Variants in CACNB2 observed in about 807,000 individuals in gnomAD.
The protein encoded by CACNB2 is voltage-dependent L-type calcium channel subunit beta-2.
In CACNB2, 42 loss-of-function variants were observed where a neutral mutation model predicts 73.3. The ratio of observed to expected loss-of-function variants is 0.57; its 90% CI spans 0.45 to 0.74. The LOEUF is 0.74. CACNB2 is among the 30% of genes least tolerant of loss of function. The pLI is 0.00. For synonymous variants in CACNB2, 348 were observed against 310.3 expected (o/e 1.12, Z -1.28); for missense variants, 940 against 853.0 (o/e 1.10, Z -1.27).
intron 3 of CACNB2, among the ~76,000 whole-genome samples, chr10:18,456,429 A>T (rs1005306731): frequency 6.6e-6 from 1 of 151,902 alleles, no homozygotes; most frequent in Non-Finnish European, 1.5e-5. Context: ...CACCCACTAC[A>T]CTCCAGCCTG....
chr10:18,244,331 T>G (rs993874330), intron 2 of CACNB2, among the ~76,000 whole-genome samples: 5 of 152,216 alleles, frequency 3.3e-5, no homozygotes, highest in Non-Finnish European at 5.9e-5. Context: ...CATCAAATTC[T>G]ACCTTTAAAA....
At chr10:18,311,613 TA>T (rs1343656887) in intron 2 of CACNB2, among the ~76,000 whole-genome samples, 1 of 152,092 alleles carries the variant, frequency 6.6e-6, no homozygotes, top group African/African-American at 2.4e-5. Flanking sequence ...AAATTATAAG[TA>T]AAAAAATATA....
chr10:18,430,283 C>T (rs2045821852), intron 3 of CACNB2, among the ~76,000 whole-genome samples: 1 of 152,136 alleles, frequency 6.6e-6, no homozygotes, highest in Non-Finnish European at 1.5e-5. Context: ...AACCTCTAGT[C>T]ACACAGCATG....
chr10:18,444,203 C>G (rs1349825044), intron 3 of CACNB2, among the ~76,000 whole-genome samples: 1 of 152,040 alleles, frequency 6.6e-6, no homozygotes, highest in African/African-American at 2.4e-5. Context: ...GGGTGGAGCC[C>G]TCATGAATGG....
At chr10:18,255,032 C>A (rs2037226315) in intron 2 of CACNB2, among the ~76,000 whole-genome samples, 1 of 152,174 alleles carries the variant, frequency 6.6e-6, no homozygotes, top group African/African-American at 2.4e-5. Flanking sequence ...GGTAAAAGTA[C>A]TTCCTAGCTG....
At chr10:18,389,606 A>T (rs142872626) in intron 2 of CACNB2, among the ~76,000 whole-genome samples, 36 of 152,370 alleles carry the variant, frequency 2.4e-4, no homozygotes, top group African/African-American at 7.7e-4. Context: ...TCTACTAAGC[A>T]TGTGAACCAT....
At chr10:18,340,191 T>C (rs2041174361) in intron 2 of CACNB2, among the ~76,000 whole-genome samples, 1 of 152,194 alleles carries the variant, frequency 6.6e-6, no homozygotes, top group South Asian at 2.1e-4. Context: ...ATGTGTGTGT[T>C]GCAAGCATGC....
At chr10:18,482,670 C>G (rs561380072) in intron 3 of CACNB2, among the ~76,000 whole-genome samples, 2 of 152,036 alleles carry the variant, frequency 1.3e-5, no homozygotes, top group Admixed American at 1.3e-4. Flanking sequence ...GCCACCATGC[C>G]CAGCTAATTT....
rs115570782 is a variant in CACNB2, at chr10:18,449,594, G to C, written c.333+47551G>C. Among the ~76,000 whole-genome samples the C allele has an allele frequency of 9.0e-3, 1,364 of 152,280 alleles. 21 individuals carry two copies. Among genetic ancestry groups the C allele is most frequent in the African/African-American group, 0.032 (1,309 of 41,548 alleles). On this transcript the variant is annotated intron_variant, in intron 3 of 13. Coordinates refer to ENST00000324631, the MANE Select transcript of CACNB2 (RefSeq NM_201596.3). ...TTCTGTCCTCACAAGGACCCTATGG[G>C]ATTCCTGCTATTATCTCCATTTTAC...
intron 2 of CACNB2, among the ~76,000 whole-genome samples, chr10:18,377,800 A>G (rs906976822): frequency 1.3e-4 from 20 of 152,234 alleles, no homozygotes; most frequent in African/African-American, 4.6e-4. Flanking sequence ...GGAATGCGCT[A>G]CAGATGCCAC....
rs1360214815 is a variant in CACNB2 at position 18,407,114 on chromosome 10, T to TC, written c.333+5071_333+5072insC. ...GTCCAGACCTGCTGTTCTGTCTTTT[T>TC]TTTTTTTTTTTTTTTTTTTTTTTTT... On this transcript the variant is annotated intron_variant, in intron 3 of 13. Coordinates refer to ENST00000324631, the MANE Select transcript of CACNB2 (RefSeq NM_201596.3). 1.4e-4 allele frequency among the ~76,000 whole-genome samples: 13 copies of TC among 91,964 alleles called. No homozygotes were observed. In the East Asian group the frequency reaches 3.4e-3, roughly 24 times the overall value. 60.3% of individuals were successfully genotyped at this position (91,964 alleles called of 152,430 possible).
intron 2 of CACNB2, among the ~76,000 whole-genome samples, chr10:18,170,620 A>G (rs1470157856): frequency 1.3e-5 from 2 of 152,214 alleles, no homozygotes; most frequent in Non-Finnish European, 2.9e-5. Context: ...ATTAAAAATT[A>G]GAATGTTGGT....
chr10:18,148,678 A>G (rs1406796569), intron 1 of CACNB2, among the ~76,000 whole-genome samples: 2 of 152,158 alleles, frequency 1.3e-5, no homozygotes, highest in African/African-American at 2.4e-5. Context: ...AATTGCGAAG[A>G]TACTCTTTTC....
chr10:18,340,544 T>C, intron 2 of CACNB2: 1 of 325,968 alleles, frequency 3.1e-6, no homozygotes, highest in Non-Finnish European at 5.1e-6. Flanking sequence ...AGGGCTGGAG[T>C]CCTGGCTGCC....
At chr10:18,486,024 A>G (rs2049043898) in intron 3 of CACNB2, among the ~76,000 whole-genome samples, 2 of 151,412 alleles carry the variant, frequency 1.3e-5, no homozygotes, top group East Asian at 3.9e-4. Flanking sequence ...CTTTTATGTT[A>G]TTAGCAATTG....
chr10:18,147,632 T>C (rs987251970), intron 1 of CACNB2, among the ~76,000 whole-genome samples: 3 of 152,226 alleles, frequency 2.0e-5, no homozygotes, highest in Non-Finnish European at 4.4e-5. Flanking sequence ...TCATATATTT[T>C]AATGCTGGTA....
intron 3 of CACNB2, among the ~76,000 whole-genome samples, chr10:18,491,246 A>T (rs577516531): frequency 1.3e-5 from 2 of 152,182 alleles, no homozygotes; most frequent in Non-Finnish European, 2.9e-5. Context: ...TGAACTAGGA[A>T]TGAGCTGAAC....
Position 18,246,317 on chromosome 10 carries a change from T to C in CACNB2, c.213+95342T>C, listed in dbSNP as rs868483515. On this transcript the variant is annotated intron_variant, in intron 2 of 13. Coordinates refer to ENST00000324631, the MANE Select transcript of CACNB2 (RefSeq NM_201596.3). ...CACATAACAAGCACTCTATAAATGT[T>C]TAACTAGTATTATATTAATAATATT... 2.0e-5 allele frequency among the ~76,000 whole-genome samples: 3 copies of C among 152,274 alleles called. No individual in the cohort carries two copies. The South Asian group carries it at 6.2e-4, about 32-fold the overall frequency.
intron 3 of CACNB2, among the ~76,000 whole-genome samples, chr10:18,440,307 G>A (rs2132933497): frequency 6.6e-6 from 1 of 152,186 alleles, no homozygotes; most frequent in East Asian, 1.9e-4. Flanking sequence ...ATGAATTTTG[G>A]GGGAACATGT....
Sources: allele counts gnomAD v4.1 joint callset (sites outside exome capture counted in the v4.1 genomes callset), GRCh38; gene constraint gnomAD v4.1.1; transcripts MANE v1.5; gene names NCBI Gene and HGNC (gene_info 2026-07-23, HGNC 2026-07-21).